The following CDC42BPA variants were observed in gnomAD, a reference collection of about 807,000 sequenced individuals.
CDC42BPA encodes serine/threonine-protein kinase MRCK alpha.
CDC42BPA carries 80 observed loss-of-function variants against 223.5 expected under a neutral mutation model. The ratio of observed to expected loss-of-function variants is 0.36; its 90% CI spans 0.30 to 0.43. The LOEUF (loss-of-function observed/expected upper bound fraction) is 0.43. CDC42BPA is among the 20% of genes least tolerant of loss of function. The probability of loss-of-function intolerance (pLI) is 1.00; values close to 1 mark genes in which losing one functional copy is unlikely to be tolerated. For synonymous variants in CDC42BPA, 694 were observed against 718.6 expected (o/e 0.97, Z 0.55); for missense variants, 1,743 against 2,099.9 (o/e 0.83, Z 3.32).
At chr1:227,179,658 A>AAAAAAAAAAAAAC (rs1263817243) in intron 5 of CDC42BPA, among the ~76,000 whole-genome samples, 1 of 149,252 alleles carries the variant, frequency 6.7e-6, no homozygotes, top group Non-Finnish European at 1.5e-5. Flanking sequence ...AAAAAAAAAA[A>AAAAAAAAAAAAAC]AAGCTATTTT....
At chr1:227,024,476 G>A (rs1667897166) in intron 31 of CDC42BPA, among the ~76,000 whole-genome samples, 1 of 152,082 alleles carries the variant, frequency 6.6e-6, no homozygotes, top group Admixed American at 6.6e-5. Context: ...TCAAACTCCT[G>A]AAAACTATTC....
At chr1:227,052,023 A>T (rs544158793) in intron 21 of CDC42BPA, 38 bp from the exon 22 acceptor site, 1 of 1,270,594 alleles carries the variant, frequency 7.9e-7, no homozygotes, top group African/African-American at 1.5e-5. Flanking sequence ...AACCCAAAAA[A>T]TCACTTTTCA....
intron 1 of CDC42BPA, among the ~76,000 whole-genome samples, chr1:227,292,269 C>G (rs111670102): frequency 0.098 from 14,849 of 152,036 alleles, 1,159 homozygotes; most frequent in East Asian, 0.36. Context: ...GCGTGAGCCA[C>G]CAAGCCCAGC....
intron 10 of CDC42BPA, 130 bp from the exon 11 acceptor site, chr1:227,129,361 A>T (rs1325143420): frequency 7.0e-6 from 5 of 716,014 alleles, no homozygotes; most frequent in African/African-American, 1.8e-5. Context: ...ACTGACAAAA[A>T]GCATGTGAAT....
intron 1 of CDC42BPA, among the ~76,000 whole-genome samples, chr1:227,297,899 A>G (rs1690918266): frequency 6.7e-6 from 1 of 150,022 alleles, no homozygotes; most frequent in South Asian, 2.1e-4. Flanking sequence ...ACACCACCAA[A>G]TAATACACTT....
chr1:227,303,068 CTTTG>C (rs1691940169), intron 1 of CDC42BPA, among the ~76,000 whole-genome samples: 1 of 138,034 alleles, frequency 7.2e-6, no homozygotes, highest in African/African-American at 2.7e-5. Context: ...GGGTTGCTTT[CTTTG>C]TTTGGGACTG....
intron 2 of CDC42BPA, among the ~76,000 whole-genome samples, chr1:227,249,668 T>TA (rs1307225945): frequency 6.6e-6 from 1 of 152,110 alleles, no homozygotes; most frequent in African/African-American, 2.4e-5. Context: ...AAAAAAGACA[T>TA]ACGAATGGCA....
chr1:227,018,647 G>C (rs1376552907), intron 32 of CDC42BPA, among the ~76,000 whole-genome samples: 1 of 151,676 alleles, frequency 6.6e-6, no homozygotes, highest in Non-Finnish European at 1.5e-5. Context: ...AATATGTGGA[G>C]TTCCTCTAAG....
At chr1:227,040,683 G>C (rs989621183) in intron 23 of CDC42BPA, among the ~76,000 whole-genome samples, 1 of 152,112 alleles carries the variant, frequency 6.6e-6, no homozygotes, top group African/African-American at 2.4e-5. Flanking sequence ...TGTAAATCAT[G>C]CATTTCTCTT....
intron 21 of CDC42BPA, among the ~76,000 whole-genome samples, chr1:227,058,463 T>C (rs1362259743): frequency 6.6e-6 from 1 of 152,182 alleles, no homozygotes; most frequent in Non-Finnish European, 1.5e-5. Flanking sequence ...TCCACGGAGA[T>C]GACTGGTGAA....
chr1:227,131,178 G>A (rs567880833), intron 10 of CDC42BPA, among the ~76,000 whole-genome samples: 1 of 152,166 alleles, frequency 6.6e-6, no homozygotes, highest in African/African-American at 2.4e-5. Flanking sequence ...ACTGACTTCT[G>A]AGGCACATAA....
intron 16 of CDC42BPA, among the ~76,000 whole-genome samples, chr1:227,083,702 T>C (rs898931974): frequency 7.2e-5 from 11 of 152,188 alleles, no homozygotes; most frequent in African/African-American, 2.4e-4. Flanking sequence ...CCACAGAGTA[T>C]TTACTTTTAC....
At chr1:227,007,540 G>C (rs1363628845) in intron 34 of CDC42BPA, among the ~76,000 whole-genome samples, 2 of 152,176 alleles carry the variant, frequency 1.3e-5, no homozygotes, top group African/African-American at 2.4e-5. Context: ...TTTAAGAGTT[G>C]ATGATACTGT....
intron 34 of CDC42BPA, among the ~76,000 whole-genome samples, chr1:227,013,274 C>T (rs1440765898): frequency 6.6e-6 from 1 of 152,066 alleles, no homozygotes; most frequent in East Asian, 1.9e-4. Flanking sequence ...CAGGTGACAA[C>T]AAACACTAAA....
At chr1:227,157,529 T>C (rs1663037047) in intron 6 of CDC42BPA, among the ~76,000 whole-genome samples, 1 of 152,218 alleles carries the variant, frequency 6.6e-6, no homozygotes. Context: ...AATCTTTAGT[T>C]TTCGGCACTT....
intron 34 of CDC42BPA, among the ~76,000 whole-genome samples, chr1:227,008,867 CTT>C (rs71179186): frequency 6.6e-6 from 1 of 151,044 alleles, no homozygotes; most frequent in Admixed American, 6.6e-5. Context: ...AAAGCAAATG[CTT>C]TTTTTTTCTC....
rs1421846067 is a variant in CDC42BPA at position 226,993,960 on chromosome 1, T to C, written c.*308A>G. On this transcript the variant is annotated 3_prime_UTR_variant, in exon 37 of 37. Coordinates refer to ENST00000366766, the MANE Select transcript of CDC42BPA (RefSeq NM_001394014.1). Reference sequence around the variant, plus strand: ...TAATCTTATTCTTATCACTTACATTTGTGTAATCTGTCTATTTAAGCTACC... The same window carrying C: ...TAATCTTATTCTTATCACTTACATTCGTGTAATCTGTCTATTTAAGCTACC... 1.2e-5 allele frequency: 3 copies of C among 249,332 alleles called. No individual in the cohort carries two copies. Among genetic ancestry groups the C allele is most frequent in the Non-Finnish European group, 2.4e-5 (3 of 126,830 alleles). 15.4% of individuals were successfully genotyped at this position (249,332 alleles called of 1,614,324 possible). A position where few individuals can be genotyped will look rare whatever the true frequency, so the allele number is the denominator to read the frequency against.
At chr1:227,273,689 T>C (rs868198754) in intron 1 of CDC42BPA, among the ~76,000 whole-genome samples, 1 of 151,798 alleles carries the variant, frequency 6.6e-6, no homozygotes, top group Non-Finnish European at 1.5e-5. Flanking sequence ...TGCTAAAATA[T>C]GTGGGTGGGA....
intron 35 of CDC42BPA, 77 bp from the exon 36 acceptor site, chr1:226,995,057 T>G (rs1389100283): frequency 3.0e-5 from 40 of 1,335,816 alleles, no homozygotes; most frequent in Non-Finnish European, 4.2e-5. Context: ...ACTGCTGAGC[T>G]GACAGGCCAT....
Sources: gnomAD v4.1 joint callset for allele counts (sites outside exome capture counted in the v4.1 genomes callset) on GRCh38, gnomAD v4.1.1 for gene constraint, MANE v1.5 for transcripts, NCBI Gene and HGNC (gene_info 2026-07-23, HGNC 2026-07-21) for gene names.